The following DMD variants were observed in gnomAD, a reference collection of about 807,000 sequenced individuals.
DMD encodes the protein mutant dystrophin.
A neutral mutation model predicts 330.1 loss-of-function variants in DMD; 63 were observed. The observed-to-expected ratio is 0.19, with a 90% CI of 0.16 to 0.24. The LOEUF is 0.24. Among genes scored for constraint, DMD ranks in the 10% least tolerant of loss-of-function variants. The probability of loss-of-function intolerance (pLI) is 1.00; values close to 1 mark genes in which losing one functional copy is unlikely to be tolerated. For missense variants in DMD, 3,344 were observed against 2,684.1 expected, an observed-to-expected ratio of 1.25 and a Z score of -5.43; for synonymous variants, 1,223 against 959.8, an observed-to-expected ratio of 1.27 and a Z score of -5.07.
intron 44 of DMD, among the ~76,000 whole-genome samples, chrX:32,209,610 A>C (rs1261007125): frequency 1.8e-5 from 2 of 111,387 alleles, no homozygotes; most frequent in African/African-American, 6.5e-5. Context: ...GATGGTGCGC[A>C]GTTTTGTTTT....
At chrX:32,997,104 A>G (rs1321703209) in intron 2 of DMD, among the ~76,000 whole-genome samples, 1 of 111,494 alleles carries the variant, frequency 9.0e-6, no homozygotes, top group Non-Finnish European at 1.9e-5. Context: ...CCATCACTCC[A>G]ATAGTGTACA....
intron 6 of DMD, among the ~76,000 whole-genome samples, chrX:32,815,812 T>A (rs1375854947): frequency 9.0e-6 from 1 of 110,849 alleles, no homozygotes; most frequent in Non-Finnish European, 1.9e-5. Context: ...AAGATCTCTC[T>A]CTTGCTTTAT....
intron 44 of DMD, among the ~76,000 whole-genome samples, chrX:32,057,553 C>A (rs937704881): frequency 7.2e-5 from 8 of 110,987 alleles, no homozygotes; most frequent in African/African-American, 2.6e-4. Flanking sequence ...AAATACCCAA[C>A]CAAGAAGGTA....
chrX:32,958,906 T>C (rs1015397076), intron 2 of DMD, among the ~76,000 whole-genome samples: 7 of 110,245 alleles, frequency 6.3e-5, no homozygotes, highest in Non-Finnish European at 7.6e-5. Context: ...TTAGATATCA[T>C]AAATGCAGCT....
intron 8 of DMD, 137 bp from the exon 9 acceptor site, chrX:32,698,135 TATATAAA>T: frequency 7.4e-6 from 5 of 672,162 alleles, no homozygotes; most frequent in Non-Finnish European, 1.1e-5. Context: ...ATACTAAACA[TATATAAA>T]TGATATTCGA....
At chrX:32,183,969 T>C (rs1467188450) in intron 44 of DMD, among the ~76,000 whole-genome samples, 1 of 110,768 alleles carries the variant, frequency 9.0e-6, no homozygotes, top group Non-Finnish European at 1.9e-5. Context: ...AAAAAGACTC[T>C]TGAAAAATGA....
At chrX:32,702,124 A>G (rs1198861000) in intron 7 of DMD, among the ~76,000 whole-genome samples, 1 of 112,304 alleles carries the variant, frequency 8.9e-6, no homozygotes, top group Non-Finnish European at 1.9e-5. Context: ...TATCCAGGAA[A>G]TTTGAAAGAT....
chrX:32,708,061 T>C (rs1445377846), intron 7 of DMD, among the ~76,000 whole-genome samples: 1 of 112,040 alleles, frequency 8.9e-6, no homozygotes, highest in Non-Finnish European at 1.9e-5. Flanking sequence ...TAACATAAAA[T>C]AGTCTATTTG....
chrX:31,155,342 A>C (rs370788517), intron 74 of DMD, among the ~76,000 whole-genome samples: 1 of 112,828 alleles, frequency 8.9e-6, no homozygotes. Flanking sequence ...TTATGAAATA[A>C]AGAAATGAAG....
At chrX:32,617,973 C>G (rs1336079588) in intron 11 of DMD, among the ~76,000 whole-genome samples, 1 of 111,357 alleles carries the variant, frequency 9.0e-6, no homozygotes. Flanking sequence ...AAAAAATGCT[C>G]AACAGCACTA....
chrX:32,291,441 A>C (rs757494545), intron 42 of DMD, among the ~76,000 whole-genome samples: 1 of 112,088 alleles, frequency 8.9e-6, no homozygotes, highest in African/African-American at 3.2e-5. Flanking sequence ...GTACATATAT[A>C]ATACCATTAA....
At chrX:31,948,882 C>T (rs755884334) in intron 45 of DMD, among the ~76,000 whole-genome samples, 11 of 110,387 alleles carry the variant, frequency 1.0e-4, no homozygotes, top group Non-Finnish European at 9.5e-5. Context: ...GCTGGACTAT[C>T]GAGTCTCTTC....
chrX:31,500,104 A>C (rs2147106518), intron 56 of DMD, among the ~76,000 whole-genome samples: 1 of 112,374 alleles, frequency 8.9e-6, no homozygotes, highest in Non-Finnish European at 1.9e-5. Context: ...AACTGAAGCG[A>C]AAAACTTACA....
intron 44 of DMD, among the ~76,000 whole-genome samples, chrX:32,212,950 C>G (rs1318174041): frequency 9.0e-6 from 1 of 111,374 alleles, no homozygotes; most frequent in African/African-American, 3.3e-5. Context: ...CTGCTATTGG[C>G]AGTCAGTATA....
At chrX:32,270,256 C>T (rs1408647386) in intron 43 of DMD, among the ~76,000 whole-genome samples, 1 of 112,022 alleles carries the variant, frequency 8.9e-6, no homozygotes, top group African/African-American at 3.2e-5. Context: ...TCTATTTTTA[C>T]AGGGGGCATT....
rs748794508 is a variant in DMD at position 32,566,498 on chromosome X, GTTAT to G, written c.1813-621_1813-618del. ...GCATCCATTAATCAATTAACATCTG[GTTAT>G]TTGAGTAATTATTTTTTAAAACTAA... On this transcript the variant is annotated intron_variant, in intron 15 of 78. Coordinates refer to ENST00000357033, the MANE Select transcript of DMD (RefSeq NM_004006.3). 3.9e-3 allele frequency among the ~76,000 whole-genome samples: 433 copies of G among 112,351 alleles called. 1 individual carries two copies. Among genetic ancestry groups the G allele is most frequent in the African/African-American group, 0.013 (402 of 30,979 alleles).
At chrX:31,368,710 A>G (rs1294064472) in intron 60 of DMD, among the ~76,000 whole-genome samples, 1 of 109,206 alleles carries the variant, frequency 9.2e-6, no homozygotes, top group Non-Finnish European at 1.9e-5. Flanking sequence ...CAGTGGTGCA[A>G]TCTCGGCTCA....
intron 63 of DMD, among the ~76,000 whole-genome samples, chrX:31,248,537 T>C (rs1287454171): frequency 8.9e-6 from 1 of 112,118 alleles, no homozygotes; most frequent in Non-Finnish European, 1.9e-5. Context: ...GCTTTTTAGT[T>C]TTTTTATGTT....
intron 44 of DMD, among the ~76,000 whole-genome samples, chrX:32,146,865 C>T (rs1356954872): frequency 9.0e-6 from 1 of 111,526 alleles, no homozygotes; most frequent in Non-Finnish European, 1.9e-5. Flanking sequence ...AAAGTATTGC[C>T]CAAGGTCTTA....
Sources: gnomAD v4.1 joint callset for allele counts (sites outside exome capture counted in the v4.1 genomes callset) on GRCh38, gnomAD v4.1.1 for gene constraint, MANE v1.5 for transcripts, NCBI Gene and HGNC (gene_info 2026-07-23, HGNC 2026-07-21) for gene names.